PHF12: variants seen among roughly 807,000 people sequenced by gnomAD.
The protein encoded by PHF12 is PHD factor 1.
PHF12 carries 6 observed loss-of-function variants against 99.8 expected under a neutral mutation model. The observed-to-expected ratio is 0.06, with a 90% confidence interval of 0.03 to 0.12. The LOEUF is 0.12. PHF12 is among the 10% of genes least tolerant of loss of function. PHF12 has a pLI of 1.00. For missense variants in PHF12, 954 were observed against 1,300.1 expected (o/e 0.73, Z 4.09); for synonymous variants, 480 against 514.9 (o/e 0.93, Z 0.92).
At chr17:28,910,020 C>A in intron 11 of PHF12, 1 of 753,322 alleles carries the variant, frequency 1.3e-6, no homozygotes, top group South Asian at 1.5e-5. Flanking sequence ...TTACAGCAGA[C>A]TTCCCCAAGT....
At chr17:28,933,134 T>C (rs936518417) in intron 2 of PHF12, among the ~76,000 whole-genome samples, 1 of 152,162 alleles carries the variant, frequency 6.6e-6, no homozygotes, top group East Asian at 1.9e-4. Context: ...GGCCGTCCTT[T>C]ATAAGAAAAA....
intron 6 of PHF12, among the ~76,000 whole-genome samples, chr17:28,918,762 C>T (rs773808489): frequency 6.6e-6 from 1 of 152,222 alleles, no homozygotes; most frequent in Non-Finnish European, 1.5e-5. Flanking sequence ...ATTATTCATT[C>T]AACAGCTTAT....
rs781732108 is a variant in PHF12, at chr17:28,906,276, G to A, written c.2922C>T (p.Gly974=). ...ITEFATKQPK[G]DASLLQDGVL... is the part of the protein sequence containing the mutation. ...CCCCATCCTGCAGCAGGCTGGCATC[G>A]CCTTTGGGCTGTTTGGTCGCAAACT... The change falls in exon 15 of 15, where the codon GGC becomes GGT. Residue 974 remains glycine (G), a synonymous_variant. Transcript: ENST00000332830. The surrounding 1 kb of genome is among the most constrained non-coding windows in gnomAD (Gnocchi z 4.2). 154 of 1,614,002 alleles carry A rather than the reference G, an allele frequency of 9.5e-5. No individual in the cohort carries two copies. The highest frequency in any genetic ancestry group is 3.2e-4 in the Admixed American group (19 of 60,026).
In PHF12 at chr17:28,951,093, C is replaced by T; in HGVS notation, c.-133G>A. On this transcript the variant is annotated 5_prime_UTR_variant, in exon 1 of 15. Transcript: ENST00000332830. ...CAATACGGGTCCCGACTTCCTCGCCCTGGCTCCCCCCCACCCCCCGGCCCC... is the reference window on the plus strand; with the variant it reads ...CAATACGGGTCCCGACTTCCTCGCCTTGGCTCCCCCCCACCCCCCGGCCCC... 3 of 1,472,488 alleles carry T rather than the reference C, an allele frequency of 2.0e-6. No individual in the cohort carries two copies. Among genetic ancestry groups the T allele is most frequent in the East Asian group, 2.5e-5 (1 of 39,842 alleles). 91.2% of individuals were successfully genotyped at this position (1,472,488 alleles called of 1,614,324 possible).
At chr17:28,915,873 G>C (rs2040052578) in intron 7 of PHF12, among the ~76,000 whole-genome samples, 1 of 152,162 alleles carries the variant, frequency 6.6e-6, no homozygotes, top group African/African-American at 2.4e-5. Flanking sequence ...TTCCTCACTA[G>C]AGAAACACTT....
At chr17:28,917,970 G>A (rs1164132297) in intron 6 of PHF12, among the ~76,000 whole-genome samples, 1 of 152,202 alleles carries the variant, frequency 6.6e-6, no homozygotes, top group African/African-American at 2.4e-5. Flanking sequence ...TGGTACCAAG[G>A]AGCATAAGTT....
At position 28,910,955 on chromosome 17, in the gene PHF12, G is replaced by A. The variant is rs1439630983; in HGVS notation, c.2215+157C>T. On this transcript the variant is annotated intron_variant, in intron 10 of 14. Transcript: ENST00000332830. ...CAGAAGGAGCTTTCTTTTTCACCCCGCCCCCCCATCCAAAAGGATACTCCT... is the reference window on the plus strand; with the variant it reads ...CAGAAGGAGCTTTCTTTTTCACCCCACCCCCCCATCCAAAAGGATACTCCT... 21 of 1,011,092 alleles carry A rather than the reference G, an allele frequency of 2.1e-5. No homozygotes were observed. In the East Asian group the frequency reaches 2.2e-4, roughly 11 times the overall value. 62.6% of individuals were successfully genotyped at this position (1,011,092 alleles called of 1,614,324 possible).
Position 28,912,510 on chromosome 17 carries a change from T to C in PHF12, c.2061A>G (p.Gln687=), listed in dbSNP as rs781739480. ...ACGATGGCGCTGGTGAGCTGAATCG[T>C]TGGTTGGCTGTTGTGGCCAAGATAC... The part of the protein sequence containing the change: ...GDGILATTAN[Q]RFSSPAPSSD... Residue 687 remains glutamine (Q), a synonymous_variant, in exon 9 of 15, where the codon CAA becomes CAG. Coordinates refer to ENST00000332830, the MANE Select transcript of PHF12 (RefSeq NM_001033561.2). 5.0e-6 allele frequency: 8 copies of C among 1,605,960 alleles called. No individual in the cohort carries two copies. The highest frequency in any genetic ancestry group is 2.7e-5 in the African/African-American group (2 of 74,794).
At chr17:28,947,227 C>T (rs551151853) in intron 2 of PHF12, among the ~76,000 whole-genome samples, 2 of 152,204 alleles carry the variant, frequency 1.3e-5, no homozygotes, top group South Asian at 4.2e-4. Flanking sequence ...GTGATCCACC[C>T]TCCTCGGCCT....
At chr17:28,918,969 A>T (rs919856654) in intron 6 of PHF12, among the ~76,000 whole-genome samples, 174 bp downstream of exon 6, 8 of 152,260 alleles carry the variant, frequency 5.3e-5, no homozygotes, top group Non-Finnish European at 1.2e-4. Context: ...TTGTGAGAAA[A>T]AGCATAGCTG....
At chr17:28,934,281 TG>T (rs1241304928) in intron 2 of PHF12, among the ~76,000 whole-genome samples, 1 of 152,220 alleles carries the variant, frequency 6.6e-6, no homozygotes, top group East Asian at 1.9e-4. Flanking sequence ...CAATTACTTA[TG>T]GATGCCAGAA....
At chr17:28,920,574 G>GT (rs1225129199) in intron 5 of PHF12, among the ~76,000 whole-genome samples, 2 of 152,180 alleles carry the variant, frequency 1.3e-5, no homozygotes, top group African/African-American at 4.8e-5. Context: ...TGTAAACACA[G>GT]TTTTTTTGAG....
chr17:28,911,355 C>T (rs755670269), intron 9 of PHF12, 118 bp from the exon 10 acceptor site: 1 of 1,399,284 alleles, frequency 7.1e-7, no homozygotes, highest in Admixed American at 2.3e-5. Flanking sequence ...CTTCTTGATT[C>T]TCAACCCATA....
At chr17:28,907,247 TACTC>T in intron 13 of PHF12, 2 of 532,900 alleles carry the variant, frequency 3.8e-6, no homozygotes, top group South Asian at 2.5e-5. Flanking sequence ...CTTGGTATGA[TACTC>T]ACTGGCCCGT....
At chr17:28,908,984 T>A (rs2039915756) in intron 11 of PHF12, 103 bp from the exon 12 acceptor site, 2 of 1,060,918 alleles carry the variant, frequency 1.9e-6, no homozygotes, top group African/African-American at 1.6e-5. Flanking sequence ...CTGGAGAAAA[T>A]CCCGCTGGAT....
chr17:28,907,077 C>A lies in PHF12; in HGVS notation c.2542-83G>T, dbSNP rs183288029. ...GGGGAGAGAGGACATATGGAGAAGG[C>A]CGTGCTACTCTACCTAGAGAGTCCT... is the stretch of plus-strand genomic sequence containing the variant. On this transcript the variant is annotated intron_variant, in intron 13 of 14. Coordinates refer to ENST00000332830, the MANE Select transcript of PHF12 (RefSeq NM_001033561.2). 4.0e-5 allele frequency: 58 copies of A among 1,451,058 alleles called. 1 individual carries two copies. The East Asian group carries it at 9.4e-4, about 23-fold the overall frequency. 89.9% of individuals were successfully genotyped at this position (1,451,058 alleles called of 1,614,324 possible).
In PHF12 at chr17:28,949,934, G is replaced by C; in HGVS notation, c.248+131C>G. ...GACACCTGGGGGCGGGGAGGTGCTCGCCCCGGCAGCTGCAGAAAGTCAGCT... is the reference window on the plus strand; with the variant it reads ...GACACCTGGGGGCGGGGAGGTGCTCCCCCCGGCAGCTGCAGAAAGTCAGCT... On this transcript the variant is annotated intron_variant, in intron 2 of 14. Coordinates refer to ENST00000332830, the MANE Select transcript of PHF12 (RefSeq NM_001033561.2). The surrounding 1 kb of genome is among the most constrained non-coding windows in gnomAD (Gnocchi z 4.6). 9.2e-7 allele frequency: 1 copy of C among 1,091,754 alleles called. No individual in the cohort carries two copies. Among genetic ancestry groups the C allele is most frequent in the Non-Finnish European group, 1.3e-6 (1 of 776,616 alleles). The allele number at this position is 1,091,754 out of a possible 1,614,324, so 67.6% of individuals were successfully genotyped here.
chr17:28,920,651 C>G (rs1009575278), intron 5 of PHF12, among the ~76,000 whole-genome samples: 1 of 152,086 alleles, frequency 6.6e-6, no homozygotes, highest in Admixed American at 6.5e-5. Flanking sequence ...CAACCTCCGC[C>G]TCCTGGGTTC....
rs572285562 is a variant in PHF12, at chr17:28,935,087, G to A, written c.249-8024C>T. Among the ~76,000 whole-genome samples the A allele has an allele frequency of 7.2e-5, 11 of 152,226 alleles. No individual in the cohort carries two copies. The South Asian group carries it at 1.9e-3, about 26-fold the overall frequency. The stretch of plus-strand genomic sequence containing the variant: ...CATAGCCTGCATTGCTATGAGACAT[G>A]CATTCTTTTCCATAGGCAGAGATGA... On this transcript the variant is annotated intron_variant, in intron 2 of 14. Coordinates refer to ENST00000332830, the MANE Select transcript of PHF12 (RefSeq NM_001033561.2).
Sources: allele counts gnomAD v4.1 joint callset (sites outside exome capture counted in the v4.1 genomes callset), GRCh38; gene constraint gnomAD v4.1.1; non-coding constraint Gnocchi (gnomAD v3.1); transcripts MANE v1.5; gene names NCBI Gene and HGNC (gene_info 2026-07-23, HGNC 2026-07-21).